Variants in GRIK1 observed in about 807,000 individuals in gnomAD.
The protein encoded by GRIK1 is glutamate ionotropic receptor kainate type subunit 1.
Under a neutral mutation model 105.7 loss-of-function variants are expected in GRIK1, and 69 were observed. That is an observed-to-expected ratio of 0.65 (90% CI 0.54 to 0.80). The LOEUF (loss-of-function observed/expected upper bound fraction) is 0.80. Among genes scored for constraint, GRIK1 ranks in the 30% least tolerant of loss-of-function variants. The pLI is 0.00. For missense variants in GRIK1, 1,109 were observed against 1,167.3 expected (o/e 0.95, Z 0.73); for synonymous variants, 438 against 431.3 (o/e 1.02, Z -0.19).
chr21:29,726,948 G>A (rs142921481), intron 1 of GRIK1, among the ~76,000 whole-genome samples: 1,599 of 150,968 alleles, frequency 0.011, 30 homozygotes, highest in African/African-American at 0.037. Flanking sequence ...TATTTTTTCT[G>A]AGACAGGGTC....
At chr21:29,545,439 G>A (rs2146100292) in intron 16 of GRIK1, among the ~76,000 whole-genome samples, 2 of 152,256 alleles carry the variant, frequency 1.3e-5, no homozygotes, top group Admixed American at 1.3e-4. Flanking sequence ...GCATGGATTG[G>A]CTTTCCCTCA....
chr21:29,842,059 T>C (rs532756834), intron 1 of GRIK1, among the ~76,000 whole-genome samples: 2 of 152,320 alleles, frequency 1.3e-5, no homozygotes, highest in Non-Finnish European at 2.9e-5. Flanking sequence ...CTTTTTTCTA[T>C]GTGCTTTGCC....
chr21:29,628,672 A>T (rs1292013334), intron 7 of GRIK1, among the ~76,000 whole-genome samples: 1 of 152,238 alleles, frequency 6.6e-6, no homozygotes, highest in Non-Finnish European at 1.5e-5. Flanking sequence ...CTAAATGGGC[A>T]GGATCACAAA....
intron 1 of GRIK1, among the ~76,000 whole-genome samples, chr21:29,705,350 TA>T (rs2063884668): frequency 6.6e-6 from 1 of 152,202 alleles, no homozygotes. Flanking sequence ...TCATCCTTCT[TA>T]AAAATTCACA....
At chr21:29,610,177 G>A (rs925799372) in intron 7 of GRIK1, among the ~76,000 whole-genome samples, 1 of 152,136 alleles carries the variant, frequency 6.6e-6, no homozygotes, top group African/African-American at 2.4e-5. Context: ...TCACCAAAAT[G>A]TCTAGGTGCT....
At chr21:29,873,120 T>C (rs4254570) in intron 1 of GRIK1, among the ~76,000 whole-genome samples, 1 of 152,136 alleles carries the variant, frequency 6.6e-6, no homozygotes, top group East Asian at 1.9e-4. Flanking sequence ...AATTAAAGAA[T>C]CTTTGAGGTA....
intron 1 of GRIK1, among the ~76,000 whole-genome samples, chr21:29,713,438 G>T (rs985693003): frequency 1.3e-5 from 2 of 151,934 alleles, no homozygotes; most frequent in Non-Finnish European, 2.9e-5. Context: ...TAAGATCAGA[G>T]AAATATTGCC....
At chr21:29,911,870 A>C (rs2070829238) in intron 1 of GRIK1, among the ~76,000 whole-genome samples, 2 of 152,082 alleles carry the variant, frequency 1.3e-5, no homozygotes. Flanking sequence ...TCTGTTGTTT[A>C]TCAGCTACCT....
At chr21:29,765,665 C>T (rs535084046) in intron 1 of GRIK1, among the ~76,000 whole-genome samples, 20 of 152,124 alleles carry the variant, frequency 1.3e-4, no homozygotes, top group African/African-American at 4.3e-4. Flanking sequence ...AATCCTGCTT[C>T]GAATGGGGAC....
chr21:29,569,725 G>A (rs1475479196), intron 14 of GRIK1, among the ~76,000 whole-genome samples: 1 of 152,148 alleles, frequency 6.6e-6, no homozygotes, highest in Non-Finnish European at 1.5e-5. Flanking sequence ...AAAAAAATGT[G>A]ACTTTCTACA....
At chr21:29,621,990 A>G (rs2062016693) in intron 7 of GRIK1, among the ~76,000 whole-genome samples, 1 of 151,184 alleles carries the variant, frequency 6.6e-6, no homozygotes, top group Admixed American at 6.6e-5. Context: ...CTTGTTGCCC[A>G]GGCTGGAGTG....
chr21:29,916,853 A>G (rs1173838656), intron 1 of GRIK1, among the ~76,000 whole-genome samples: 4 of 152,000 alleles, frequency 2.6e-5, no homozygotes, highest in Admixed American at 1.3e-4. Flanking sequence ...TAAAAGGAGG[A>G]TAACACTTCT....
At chr21:29,758,641 G>A (rs530258389) in intron 1 of GRIK1, among the ~76,000 whole-genome samples, 9 of 152,280 alleles carry the variant, frequency 5.9e-5, no homozygotes, top group African/African-American at 2.2e-4. Context: ...TTATTTTGAC[G>A]TTGTTGGAAG....
chr21:29,934,341 T>C (rs1056422308), intron 1 of GRIK1, among the ~76,000 whole-genome samples: 1 of 152,196 alleles, frequency 6.6e-6, no homozygotes, highest in Non-Finnish European at 1.5e-5. Flanking sequence ...ATATTCGATT[T>C]CCACTTAGTA....
intron 10 of GRIK1, among the ~76,000 whole-genome samples, chr21:29,589,701 G>A (rs544282670): frequency 1.6e-4 from 24 of 152,022 alleles, no homozygotes; most frequent in Non-Finnish European, 2.9e-4. Context: ...TGGGACTACC[G>A]GTGTGAGCCA....
rs141553299 is a variant in GRIK1 at position 29,828,100 on chromosome 21, C to T, written c.118+111283G>A. The stretch of plus-strand genomic sequence containing the variant: ...TAATAGACTTTCTCACATGGTGGCT[C>T]GGGGCTTTCTAGACAACAAAAGCAG... On this transcript the variant is annotated intron_variant, in intron 1 of 17. Transcript: ENST00000327783. Among the ~76,000 whole-genome samples the T allele has an allele frequency of 3.3e-3, 500 of 151,562 alleles. 1 individual carries two copies. The highest frequency in any genetic ancestry group is 0.011 in the African/African-American group (466 of 41,288).
At chr21:29,715,378 C>T (rs1665038262) in intron 1 of GRIK1, among the ~76,000 whole-genome samples, 1 of 152,064 alleles carries the variant, frequency 6.6e-6, no homozygotes, top group Admixed American at 6.6e-5. Context: ...GACAGGAGGC[C>T]AGGGCTGGGA....
intron 1 of GRIK1, among the ~76,000 whole-genome samples, chr21:29,707,660 T>C (rs1389859376): frequency 6.6e-6 from 1 of 151,782 alleles, no homozygotes; most frequent in East Asian, 1.9e-4. Context: ...CACACCCAGC[T>C]AATTTTGTAT....
chr21:29,864,907 A>T (rs2068753692), intron 1 of GRIK1, among the ~76,000 whole-genome samples: 1 of 152,174 alleles, frequency 6.6e-6, no homozygotes, highest in African/African-American at 2.4e-5. Flanking sequence ...GATGGTCACG[A>T]TTGGGTTGGG....
Sources: allele counts gnomAD v4.1 joint callset (sites outside exome capture counted in the v4.1 genomes callset), GRCh38; gene constraint gnomAD v4.1.1; transcripts MANE v1.5; gene names NCBI Gene and HGNC (gene_info 2026-07-23, HGNC 2026-07-21).